The following PDE4B variants were observed in gnomAD, a reference collection of about 807,000 sequenced individuals.
PDE4B encodes the protein 3',5'-cyclic-AMP phosphodiesterase 4B.
In PDE4B, 20 loss-of-function variants were observed where a neutral mutation model predicts 82.2. That is an observed-to-expected ratio of 0.24 (90% CI 0.17 to 0.35). The LOEUF is 0.35. Among genes scored for constraint, PDE4B ranks in the 10% least tolerant of loss-of-function variants. The pLI is 1.00. For synonymous variants in PDE4B, 320 were observed against 318.9 expected, an observed-to-expected ratio of 1.00 and a Z score of -0.04; for missense variants, 655 against 907.2, an observed-to-expected ratio of 0.72 and a Z score of 3.57.
chr1:66,084,648 A>T (rs1268921804), intron 3 of PDE4B, among the ~76,000 whole-genome samples: 1 of 152,130 alleles, frequency 6.6e-6, no homozygotes, highest in African/African-American at 2.4e-5. Context: ...TTCCAAATCA[A>T]TGCTCTAGGG....
At chr1:66,265,303 GTC>G (rs1170083108) in intron 6 of PDE4B, among the ~76,000 whole-genome samples, 2 of 152,176 alleles carry the variant, frequency 1.3e-5, no homozygotes, top group Admixed American at 6.5e-5. Context: ...AAACAGGAGA[GTC>G]TGGTAGAAGT....
chr1:66,169,767 G>T (rs1646804168), intron 3 of PDE4B, among the ~76,000 whole-genome samples: 1 of 152,130 alleles, frequency 6.6e-6, no homozygotes, highest in East Asian at 1.9e-4. Flanking sequence ...GAAAACAGAG[G>T]ATACTGTTTA....
At chr1:66,033,675 G>C (rs539464196) in intron 3 of PDE4B, among the ~76,000 whole-genome samples, 1 of 149,928 alleles carries the variant, frequency 6.7e-6, no homozygotes, top group Non-Finnish European at 1.5e-5. Flanking sequence ...CAGAGAAAGG[G>C]TAAGTGTGTC....
intron 3 of PDE4B, among the ~76,000 whole-genome samples, chr1:66,120,724 CT>C (rs1645691668): frequency 6.6e-6 from 1 of 152,140 alleles, no homozygotes; most frequent in South Asian, 2.1e-4. Context: ...AGTCTGCACT[CT>C]CTATTTTGCA....
intron 3 of PDE4B, among the ~76,000 whole-genome samples, chr1:66,144,917 T>C (rs1424839126): frequency 6.6e-6 from 1 of 152,210 alleles, no homozygotes; most frequent in East Asian, 1.9e-4. Context: ...TCTACTTTCA[T>C]ACACTTCCAA....
chr1:66,312,007 G>C (rs1029888744), intron 7 of PDE4B, among the ~76,000 whole-genome samples: 1 of 152,176 alleles, frequency 6.6e-6, no homozygotes, highest in Non-Finnish European at 1.5e-5. Context: ...GAGAAACACG[G>C]ATATAGAGAA....
intron 3 of PDE4B, among the ~76,000 whole-genome samples, chr1:66,064,302 G>A (rs1655732155): frequency 6.6e-6 from 1 of 151,852 alleles, no homozygotes; most frequent in South Asian, 2.1e-4. Flanking sequence ...GGAAGCCTAG[G>A]TCTGAAAAAG....
chr1:65,825,931 T>A (rs1646012266), intron 1 of PDE4B, among the ~76,000 whole-genome samples: 1 of 152,202 alleles, frequency 6.6e-6, no homozygotes, highest in Non-Finnish European at 1.5e-5. Flanking sequence ...AGTGATGGTT[T>A]TATCATCTTT....
At chr1:66,369,973 C>G (rs1201695397) in intron 16 of PDE4B, among the ~76,000 whole-genome samples, 1 of 151,596 alleles carries the variant, frequency 6.6e-6, no homozygotes, top group Non-Finnish European at 1.5e-5. Context: ...CATGGTGAAA[C>G]CCTGTCTCTA....
chr1:66,236,809 G>T (rs571221208), intron 3 of PDE4B, among the ~76,000 whole-genome samples: 3 of 152,232 alleles, frequency 2.0e-5, no homozygotes, highest in Admixed American at 1.3e-4. Context: ...CAGAACAGTT[G>T]TTTACACGTG....
chr1:66,103,917 C>T (rs1303188568), intron 3 of PDE4B, among the ~76,000 whole-genome samples: 1 of 151,684 alleles, frequency 6.6e-6, no homozygotes, highest in Non-Finnish European at 1.5e-5. Context: ...GATCGAGAGG[C>T]ATTATTTTTT....
intron 3 of PDE4B, among the ~76,000 whole-genome samples, chr1:65,969,662 A>G (rs1650028401): frequency 6.6e-6 from 1 of 152,158 alleles, no homozygotes; most frequent in Non-Finnish European, 1.5e-5. Flanking sequence ...TAGATTTGTG[A>G]CAATATTTGT....
At chr1:65,795,755 CTT>C (rs1217371074) in intron 1 of PDE4B, among the ~76,000 whole-genome samples, 1 of 152,234 alleles carries the variant, frequency 6.6e-6, no homozygotes, top group Non-Finnish European at 1.5e-5. Flanking sequence ...TGCAGCTCTA[CTT>C]CTCTCTTTGG....
At chr1:66,336,638 C>T (rs1317135401) in intron 8 of PDE4B, among the ~76,000 whole-genome samples, 2 of 118,170 alleles carry the variant, frequency 1.7e-5, no homozygotes, top group Non-Finnish European at 3.4e-5. Flanking sequence ...AAGAGTGGCC[C>T]TGTGTATTAG....
intron 3 of PDE4B, among the ~76,000 whole-genome samples, chr1:65,951,953 A>G (rs1649022475): frequency 6.6e-6 from 1 of 152,086 alleles, no homozygotes; most frequent in Non-Finnish European, 1.5e-5. Flanking sequence ...AGGGAAAACG[A>G]TGGCTGAAAC....
intron 7 of PDE4B, among the ~76,000 whole-genome samples, chr1:66,315,293 A>G (rs1658950737): frequency 6.6e-6 from 1 of 152,220 alleles, no homozygotes; most frequent in African/African-American, 2.4e-5. Flanking sequence ...AGAGAAAGTA[A>G]AATGTGTTTT....
intron 3 of PDE4B, among the ~76,000 whole-genome samples, chr1:66,123,440 T>G (rs902913693): frequency 6.6e-6 from 1 of 152,180 alleles, no homozygotes; most frequent in African/African-American, 2.4e-5. Flanking sequence ...TTCAAGTGAG[T>G]TATTAGGATA....
intron 3 of PDE4B, among the ~76,000 whole-genome samples, chr1:66,219,179 A>G (rs141816430): frequency 7.9e-5 from 12 of 152,174 alleles, no homozygotes; most frequent in Admixed American, 2.0e-4. Flanking sequence ...TTCTAATATG[A>G]TTTCTCCTGG....
At chr1:66,089,274 A>C (rs1436726855) in intron 3 of PDE4B, among the ~76,000 whole-genome samples, 1 of 152,148 alleles carries the variant, frequency 6.6e-6, no homozygotes, top group African/African-American at 2.4e-5. Context: ...TCCGCTACGT[A>C]GCCGCTATTA....
Sources: gnomAD v4.1 joint callset for allele counts (sites outside exome capture counted in the v4.1 genomes callset) on GRCh38, gnomAD v4.1.1 for gene constraint, MANE v1.5 for transcripts, NCBI Gene and HGNC (gene_info 2026-07-23, HGNC 2026-07-21) for gene names.